RANBP2: variants seen among roughly 807,000 people sequenced by gnomAD.
The protein encoded by RANBP2 is E3 SUMO-protein ligase RanBP2.
Under a neutral mutation model 303.6 loss-of-function variants are expected in RANBP2, and 57 were observed. The ratio of observed to expected loss-of-function variants is 0.19; its 90% CI spans 0.15 to 0.23. RANBP2 has a LOEUF of 0.23. Ranked by LOEUF, RANBP2 falls within the 10% of genes least tolerant of loss-of-function variation. The pLI, the probability that RANBP2 is intolerant of heterozygous loss-of-function variation, is 1.00. For synonymous variants in RANBP2, 1,167 were observed against 1,301.5 expected (o/e 0.90, Z 2.23); for missense variants, 3,138 against 3,780.8 (o/e 0.83, Z 4.46).
chr2:109,493,689 CACACCACACACCATACAT>C, the RANBP2 span, among the ~76,000 whole-genome samples: 1 of 151,952 alleles, frequency 6.6e-6, no homozygotes, highest in Admixed American at 6.6e-5. Flanking sequence ...ACACCATACA[CACACCACACACCATACAT>C]ACACACCATA....
chr2:109,452,295 A>G, the RANBP2 span, among the ~76,000 whole-genome samples: 3 of 152,090 alleles, frequency 2.0e-5, no homozygotes, highest in Non-Finnish European at 4.4e-5. Context: ...CCACCCCTCC[A>G]TGACTACACT....
the RANBP2 span, among the ~76,000 whole-genome samples, chr2:109,528,400 A>G: frequency 6.6e-6 from 1 of 152,228 alleles, no homozygotes; most frequent in South Asian, 2.1e-4. Context: ...CTATGCCAAC[A>G]TGGCCCATGG....
At chr2:109,135,262 C>T in the RANBP2 span, among the ~76,000 whole-genome samples, 1 of 152,210 alleles carries the variant, frequency 6.6e-6, no homozygotes, top group South Asian at 2.1e-4. Flanking sequence ...CTGAAGCCCA[C>T]ACACAGGACT....
At chr2:109,268,936 C>T in the RANBP2 span, among the ~76,000 whole-genome samples, 2 of 152,156 alleles carry the variant, frequency 1.3e-5, no homozygotes, top group Admixed American at 1.3e-4. Flanking sequence ...AGTCAGGAAG[C>T]ATCTGTATCT....
the RANBP2 span, among the ~76,000 whole-genome samples, chr2:109,504,843 TCTGTACC>T: frequency 6.6e-6 from 1 of 152,128 alleles, no homozygotes; most frequent in Non-Finnish European, 1.5e-5. Context: ...ACATCAAATG[TCTGTACC>T]CAGCACATGC....
chr2:109,278,427 G>T, the RANBP2 span, among the ~76,000 whole-genome samples: 1 of 152,146 alleles, frequency 6.6e-6, no homozygotes, highest in Non-Finnish European at 1.5e-5. Context: ...CTAACTTGGT[G>T]TTCAGTGTTG....
At chr2:108,864,850 A>G in the RANBP2 span, among the ~76,000 whole-genome samples, 1 of 151,388 alleles carries the variant, frequency 6.6e-6, no homozygotes, top group Non-Finnish European at 1.5e-5. Flanking sequence ...AGTCCCAGCT[A>G]CTTGGGAGGC....
chr2:109,153,065 A>G, the RANBP2 span, among the ~76,000 whole-genome samples: 1 of 152,206 alleles, frequency 6.6e-6, no homozygotes, highest in Non-Finnish European at 1.5e-5. Flanking sequence ...GACCATCTGC[A>G]AAGACAAGAC....
the RANBP2 span, among the ~76,000 whole-genome samples, chr2:109,273,949 T>C: frequency 6.6e-6 from 1 of 152,226 alleles, no homozygotes; most frequent in South Asian, 2.1e-4. Context: ...GCTATGTGAC[T>C]TTCTGTATGG....
At chr2:109,583,122 G>T in the RANBP2 span, among the ~76,000 whole-genome samples, 8 of 152,132 alleles carry the variant, frequency 5.3e-5, no homozygotes, top group African/African-American at 1.9e-4. Flanking sequence ...CCTTGGAAAA[G>T]AATTTACGAT....
chr2:109,668,011 T>C, the RANBP2 span: 2 of 162,514 alleles, frequency 1.2e-5, no homozygotes, highest in African/African-American at 4.8e-5. Context: ...AGTGAGCCTT[T>C]GGAATGGGAA....
rs374997577 is a variant in RANBP2, at chr2:108,729,151, A to G, written c.92A>G (p.Tyr31Cys). 214 of 1,572,814 alleles carry G rather than the reference A, an allele frequency of 1.4e-4. No individual in the cohort carries two copies. Among genetic ancestry groups the G allele is most frequent in the Admixed American group, 8.4e-5 (5 of 59,216 alleles). ...TTTTAGAAGTCAATGAAAGGATTCT[A>G]TTTTGCAAAGCTGTATTATGAAGCT... is the stretch of plus-strand genomic sequence containing the variant. ...SPRQKSMKGF[Y>C]FAKLYYEAKE... The change falls in exon 2 of 29, where the codon TAT becomes TGT. Residue 31 changes from tyrosine (Y) to cysteine (C), a missense_variant. By Grantham distance (194) the Tyr-to-Cys change is radical. Transcript: ENST00000283195.
the RANBP2 span, among the ~76,000 whole-genome samples, chr2:109,071,650 G>T: frequency 6.6e-6 from 1 of 150,876 alleles, no homozygotes; most frequent in African/African-American, 2.4e-5. Context: ...CTCTAGCAAG[G>T]GTGACAAAGC....
chr2:109,225,426 C>T, the RANBP2 span, among the ~76,000 whole-genome samples: 9 of 152,308 alleles, frequency 5.9e-5, no homozygotes, highest in Admixed American at 4.6e-4. Flanking sequence ...GGTTTCACAA[C>T]GATTCTCACA....
the RANBP2 span, among the ~76,000 whole-genome samples, chr2:108,832,294 T>G: frequency 6.6e-6 from 1 of 151,822 alleles, no homozygotes; most frequent in East Asian, 1.9e-4. Flanking sequence ...CCCAAAGTGC[T>G]GAGATTACAG....
At chr2:109,284,218 A>G in the RANBP2 span, among the ~76,000 whole-genome samples, 1 of 152,198 alleles carries the variant, frequency 6.6e-6, no homozygotes, top group Non-Finnish European at 1.5e-5. Flanking sequence ...TGTGACCCTC[A>G]GGAATTTCTT....
chr2:109,626,638 C>G, the RANBP2 span, among the ~76,000 whole-genome samples: 19 of 152,138 alleles, frequency 1.2e-4, no homozygotes, highest in Non-Finnish European at 2.4e-4. Flanking sequence ...GCAGACTGGC[C>G]ACTCGACTCT....
At chr2:109,201,226 C>T in the RANBP2 span, among the ~76,000 whole-genome samples, 1 of 152,250 alleles carries the variant, frequency 6.6e-6, no homozygotes, top group Non-Finnish European at 1.5e-5. Flanking sequence ...GCCTCTTCTG[C>T]ACTTAAAAAC....
the RANBP2 span, among the ~76,000 whole-genome samples, chr2:109,705,855 G>A: frequency 6.6e-6 from 1 of 152,152 alleles, no homozygotes; most frequent in Non-Finnish European, 1.5e-5. Flanking sequence ...GTTATCTAAT[G>A]GACATCTCAA....
Sources: allele counts gnomAD v4.1 joint callset (sites outside exome capture counted in the v4.1 genomes callset), GRCh38; gene constraint gnomAD v4.1.1; transcripts MANE v1.5; gene names NCBI Gene and HGNC (gene_info 2026-07-23, HGNC 2026-07-21).